STIM1: variants seen among roughly 807,000 people sequenced by gnomAD.
STIM1 encodes stromal interaction molecule 1.
A neutral mutation model predicts 74.7 loss-of-function variants in STIM1; 25 were observed. The ratio of observed to expected loss-of-function variants is 0.33; its 90% CI spans 0.24 to 0.47. The LOEUF (loss-of-function observed/expected upper bound fraction) is 0.47. STIM1 is among the 20% of genes least tolerant of loss of function. STIM1 has a pLI of 1.00. For missense variants in STIM1, 728 were observed against 920.8 expected, an observed-to-expected ratio of 0.79 and a Z score of 2.71; for synonymous variants, 328 against 348.8, an observed-to-expected ratio of 0.94 and a Z score of 0.66.
intron 2 of STIM1, chr11:3,972,879 T>C (rs1019498101): frequency 4.1e-6 from 2 of 490,318 alleles, no homozygotes; most frequent in African/African-American, 3.9e-5. Flanking sequence ...CAGTATAGAA[T>C]CCAGAGCTTC....
At chr11:3,932,536 C>A (rs980626871) in intron 1 of STIM1, among the ~76,000 whole-genome samples, 6 of 151,984 alleles carry the variant, frequency 3.9e-5, no homozygotes, top group Non-Finnish European at 8.8e-5. Context: ...GTGGCGGGCA[C>A]CTGTAGTCCC....
At chr11:4,069,059 C>T (rs139932990) in intron 5 of STIM1, among the ~76,000 whole-genome samples, 2 of 152,268 alleles carry the variant, frequency 1.3e-5, no homozygotes, top group East Asian at 3.9e-4. Context: ...TCCAGGGCTC[C>T]TCTGAGCCCA....
intron 1 of STIM1, among the ~76,000 whole-genome samples, chr11:3,894,665 C>G (rs1278986544): frequency 6.6e-6 from 1 of 152,182 alleles, no homozygotes; most frequent in Non-Finnish European, 1.5e-5. Flanking sequence ...GTGTTTAGGG[C>G]TGATTCCTAG....
At chr11:4,021,616 G>A (rs2093956690) in intron 2 of STIM1, among the ~76,000 whole-genome samples, 1 of 152,190 alleles carries the variant, frequency 6.6e-6, no homozygotes, top group African/African-American at 2.4e-5. Flanking sequence ...CAGATGGTGT[G>A]ATTGCTCTAG....
chr11:4,019,972 T>G (rs531308983), intron 2 of STIM1, among the ~76,000 whole-genome samples: 2 of 152,340 alleles, frequency 1.3e-5, no homozygotes, highest in South Asian at 4.1e-4. Flanking sequence ...CAGATTCTGG[T>G]AACCACTATC....
At chr11:4,059,629 G>C (rs2094316577) in intron 5 of STIM1, among the ~76,000 whole-genome samples, 1 of 152,176 alleles carries the variant, frequency 6.6e-6, no homozygotes, top group Non-Finnish European at 1.5e-5. Context: ...TGCTGTGCTG[G>C]ACCCTGTAGG....
At position 3,988,604 on chromosome 11, in the gene STIM1, C is replaced by G. The variant is rs748674199; in HGVS notation, c.270+20922C>G. Among the ~76,000 whole-genome samples the G allele has an allele frequency of 2.0e-5, 3 of 152,134 alleles. 1 individual carries two copies. The highest frequency in any genetic ancestry group is 4.4e-5 in the Non-Finnish European group (3 of 68,014). The stretch of plus-strand genomic sequence containing the variant: ...AATTCACAACTGAATAGCATGTATA[C>G]TACATATTCAAATTTTTAATCTTTC... On this transcript the variant is annotated intron_variant, in intron 2 of 12. Transcript: ENST00000526596.
rs567747413 is a variant in STIM1 at position 4,088,920 on chromosome 11, G to C, written c.1635-2362G>C. ...GCTTTGGCAGTCCCAACTTTTAGCTGATGAGAGAGGCATAGAAGGACAGGA... is the reference window on the plus strand; with the variant it reads ...GCTTTGGCAGTCCCAACTTTTAGCTCATGAGAGAGGCATAGAAGGACAGGA... On this transcript the variant is annotated intron_variant, in intron 12 of 12. Coordinates refer to ENST00000526596, the MANE Select transcript of STIM1 (RefSeq NM_001382567.1). 37 of 588,614 alleles carry C rather than the reference G, an allele frequency of 6.3e-5. No homozygotes were observed. The East Asian group carries it at 8.2e-4, about 13-fold the overall frequency. 36.5% of individuals were successfully genotyped at this position (588,614 alleles called of 1,614,324 possible).
chr11:4,083,661 T>A, intron 10 of STIM1, 163 bp downstream of exon 10: 1 of 702,330 alleles, frequency 1.4e-6, no homozygotes, highest in Non-Finnish European at 2.4e-6. Flanking sequence ...GGTTATTTCT[T>A]TATAGTTGTC....
At chr11:4,015,525 G>C (rs1449796504) in intron 2 of STIM1, among the ~76,000 whole-genome samples, 1 of 152,082 alleles carries the variant, frequency 6.6e-6, no homozygotes, top group East Asian at 1.9e-4. Flanking sequence ...ATGTGTCTTG[G>C]GGTTGCTCTT....
intron 1 of STIM1, among the ~76,000 whole-genome samples, chr11:3,958,106 C>T (rs1024120369): frequency 1.2e-4 from 18 of 152,162 alleles, no homozygotes; most frequent in African/African-American, 2.7e-4. Context: ...CCTCATGATC[C>T]GCCCATCTCG....
chr11:4,019,113 G>C (rs1259947735), intron 2 of STIM1: 1 of 170,744 alleles, frequency 5.9e-6, no homozygotes, highest in Non-Finnish European at 1.3e-5. Context: ...CATTAAATTG[G>C]ACTAAGTGAT....
At chr11:3,961,795 A>G (rs916028248) in intron 1 of STIM1, among the ~76,000 whole-genome samples, 16 of 152,222 alleles carry the variant, frequency 1.1e-4, no homozygotes, top group African/African-American at 3.6e-4. Flanking sequence ...GGCGTGAGCC[A>G]CTGCGCCCGG....
At chr11:3,949,350 G>T (rs1254007682) in intron 1 of STIM1, among the ~76,000 whole-genome samples, 2 of 152,210 alleles carry the variant, frequency 1.3e-5, no homozygotes. Flanking sequence ...AATTTAGTAT[G>T]GTGGGAGTGT....
intron 3 of STIM1, among the ~76,000 whole-genome samples, chr11:4,033,959 G>A (rs748842091): frequency 1.3e-4 from 20 of 151,784 alleles, no homozygotes; most frequent in South Asian, 2.1e-4. Flanking sequence ...GGCCAGATGC[G>A]GTGGCTTATG....
At chr11:3,877,414 T>G (rs1175941554) in intron 1 of STIM1, among the ~76,000 whole-genome samples, 7 of 152,176 alleles carry the variant, frequency 4.6e-5, no homozygotes, top group Admixed American at 4.6e-4. Context: ...GTTCAGAGGT[T>G]GTTGTTCCAG....
chr11:4,090,417 C>A (rs2094517284), intron 12 of STIM1, among the ~76,000 whole-genome samples: 2 of 152,186 alleles, frequency 1.3e-5, no homozygotes, highest in Non-Finnish European at 2.9e-5. Context: ...CTGAAAGAGA[C>A]CCCACCCTTC....
At chr11:4,079,826 T>C (rs897700662) in intron 7 of STIM1, among the ~76,000 whole-genome samples, 4 of 152,188 alleles carry the variant, frequency 2.6e-5, no homozygotes, top group Non-Finnish European at 5.9e-5. Context: ...TTTGGCTGCA[T>C]ATTAGAATGA....
chr11:4,016,255 T>G (rs960307975), intron 2 of STIM1, among the ~76,000 whole-genome samples: 1 of 152,194 alleles, frequency 6.6e-6, no homozygotes, highest in Non-Finnish European at 1.5e-5. Context: ...TTGTTGATGT[T>G]GATGCTATTC....
Sources: gnomAD v4.1 joint callset for allele counts (sites outside exome capture counted in the v4.1 genomes callset) on GRCh38, gnomAD v4.1.1 for gene constraint, MANE v1.5 for transcripts, NCBI Gene and HGNC (gene_info 2026-07-23, HGNC 2026-07-21) for gene names.